The following DTD1 variants were observed in gnomAD, a reference collection of about 807,000 sequenced individuals.
DTD1 encodes the protein D-tyrosyl-tRNA deacylase 1 homolog.
A neutral mutation model predicts 25.6 loss-of-function variants in DTD1; 13 were observed. The ratio of observed to expected loss-of-function variants is 0.51; its 90% CI spans 0.33 to 0.81. DTD1 has a LOEUF of 0.81. Among genes scored for constraint, DTD1 ranks in the 30% least tolerant of loss-of-function variants. The pLI is 0.02. For missense variants in DTD1, 193 were observed against 266.4 expected (o/e 0.72, Z 1.92); for synonymous variants, 110 against 103.6 (o/e 1.06, Z -0.37).
At chr20:18,722,736 C>T (rs182802596) in intron 4 of DTD1, among the ~76,000 whole-genome samples, 34 of 152,240 alleles carry the variant, frequency 2.2e-4, no homozygotes, top group African/African-American at 7.9e-4. Context: ...CCTGCTGGGA[C>T]TGCAAAACAT....
intron 5 of DTD1, among the ~76,000 whole-genome samples, chr20:18,760,616 C>T (rs1309361971): frequency 1.3e-5 from 2 of 152,096 alleles, no homozygotes; most frequent in Non-Finnish European, 2.9e-5. Context: ...AGAGGAGTAC[C>T]CGGCCGTGTG....
intron 4 of DTD1, among the ~76,000 whole-genome samples, chr20:18,737,671 T>C (rs2061261592): frequency 6.6e-6 from 1 of 152,214 alleles, no homozygotes; most frequent in African/African-American, 2.4e-5. Context: ...AACACTAGGC[T>C]TGTGTCACTT....
chr20:18,621,882 G>C (rs985208215), intron 3 of DTD1, among the ~76,000 whole-genome samples: 2 of 152,112 alleles, frequency 1.3e-5, no homozygotes, highest in Non-Finnish European at 2.9e-5. Flanking sequence ...GGCTAACACG[G>C]TGAAACCCTG....
In DTD1 at chr20:18,708,244, AATATATATT is replaced by A. The variant is rs1460341148; in HGVS notation, c.478-35847_478-35839del. 3.1e-4 allele frequency among the ~76,000 whole-genome samples: 13 copies of A among 41,400 alleles called. 1 individual carries two copies. Among genetic ancestry groups the A allele is most frequent in the African/African-American group, 1.4e-3 (11 of 7,808 alleles). The allele number at this position is 41,400 out of a possible 152,430, so 27.2% of individuals were successfully genotyped here. ...ATATATATATATTTTATATATATATAATATATATTATATATATATTTTATATATATATAA... is the reference window on the plus strand; with the variant it reads ...ATATATATATATTTTATATATATATAATATATATATTTTATATATATATAA... On this transcript the variant is annotated intron_variant, in intron 4 of 5. Coordinates refer to ENST00000377452, the MANE Select transcript of DTD1 (RefSeq NM_080820.6).
At chr20:18,721,703 G>GT (rs1297444793) in intron 4 of DTD1, among the ~76,000 whole-genome samples, 1 of 152,000 alleles carries the variant, frequency 6.6e-6, no homozygotes, top group Non-Finnish European at 1.5e-5. Context: ...CTTGTGGGAA[G>GT]TTTTTTTTCC....
chr20:18,753,574 C>T (rs2061328576), intron 5 of DTD1, among the ~76,000 whole-genome samples: 1 of 111,438 alleles, frequency 9.0e-6, no homozygotes, highest in Non-Finnish European at 1.7e-5. Context: ...CGCCACTGCA[C>T]TCCAGCCTGG....
intron 4 of DTD1, among the ~76,000 whole-genome samples, chr20:18,699,077 G>A (rs1262823452): frequency 6.6e-6 from 1 of 152,168 alleles, no homozygotes; most frequent in Non-Finnish European, 1.5e-5. Flanking sequence ...GTGGATTTGT[G>A]GCATTTTCAC....
At chr20:18,759,188 C>A (rs2061351283) in intron 5 of DTD1, among the ~76,000 whole-genome samples, 3 of 152,254 alleles carry the variant, frequency 2.0e-5, no homozygotes, top group Admixed American at 2.0e-4. Flanking sequence ...GACTCTTTAT[C>A]CGATTTGCCA....
At chr20:18,755,187 GCTCA>G (rs1260195410) in intron 5 of DTD1, among the ~76,000 whole-genome samples, 5 of 152,084 alleles carry the variant, frequency 3.3e-5, no homozygotes, top group Non-Finnish European at 7.4e-5. Context: ...CAAAGTTAAT[GCTCA>G]CTCATAGAAA....
intron 4 of DTD1, among the ~76,000 whole-genome samples, chr20:18,644,229 A>G (rs911855882): frequency 3.9e-4 from 15 of 38,018 alleles, no homozygotes; most frequent in Non-Finnish European, 1.5e-3. Context: ...AGTATTTCAA[A>G]CATACTAGAT....
intron 4 of DTD1, among the ~76,000 whole-genome samples, chr20:18,716,138 A>G (rs34478401): frequency 0.32 from 48,739 of 152,084 alleles, 8,492 homozygotes; most frequent in South Asian, 0.46. Context: ...TTTTAGAGCC[A>G]TGTGTGTTTT....
chr20:18,724,822 G>C (rs2061217507), intron 4 of DTD1, among the ~76,000 whole-genome samples: 1 of 152,204 alleles, frequency 6.6e-6, no homozygotes, highest in African/African-American at 2.4e-5. Context: ...TTCTGTGTAA[G>C]ATTTCCAAGA....
chr20:18,610,399 GAA>G (rs2060681697), intron 3 of DTD1, among the ~76,000 whole-genome samples: 2 of 152,092 alleles, frequency 1.3e-5, no homozygotes, highest in Non-Finnish European at 2.9e-5. Context: ...CATACTTCTT[GAA>G]ATAATGTATA....
chr20:18,661,869 A>G (rs1568661738), intron 4 of DTD1, among the ~76,000 whole-genome samples: 1 of 152,210 alleles, frequency 6.6e-6, no homozygotes, highest in Non-Finnish European at 1.5e-5. Context: ...ATTTGAAAAG[A>G]GACCAGGCAC....
chr20:18,726,744 T>C (rs2061223698), intron 4 of DTD1, among the ~76,000 whole-genome samples: 1 of 152,182 alleles, frequency 6.6e-6, no homozygotes, highest in Admixed American at 6.5e-5. Flanking sequence ...GCCCCCTTTC[T>C]TGGGGGACAG....
intron 3 of DTD1, among the ~76,000 whole-genome samples, chr20:18,624,941 A>G (rs1213308561): frequency 2.0e-5 from 3 of 152,130 alleles, no homozygotes; most frequent in African/African-American, 7.2e-5. Context: ...GACACTCTTT[A>G]GTTTGGAATT....
intron 4 of DTD1, among the ~76,000 whole-genome samples, chr20:18,676,675 T>C (rs1329825991): frequency 1.3e-5 from 2 of 152,228 alleles, no homozygotes; most frequent in African/African-American, 4.8e-5. Context: ...ACAACTGATT[T>C]ATCTTCAGAG....
chr20:18,765,319 A>G lies in DTD1; in HGVS notation c.*1979A>G, dbSNP rs1284352213. On this transcript the variant is annotated 3_prime_UTR_variant, in exon 6 of 6. Coordinates refer to ENST00000377452, the MANE Select transcript of DTD1 (RefSeq NM_080820.6). ...ACGTAGATTCTGGCATTCTAACAACATGATTCAAAAGTGGAAGGTGATGTT... is the reference window on the plus strand; with the variant it reads ...ACGTAGATTCTGGCATTCTAACAACGTGATTCAAAAGTGGAAGGTGATGTT... The G allele has an allele frequency of 6.6e-6, 1 of 152,266 alleles. No homozygotes were observed. The highest frequency in any genetic ancestry group is 1.5e-5 in the Non-Finnish European group (1 of 68,054). The allele number at this position is 152,266 out of a possible 1,614,324, so 9.4% of individuals were successfully genotyped here.
intron 4 of DTD1, among the ~76,000 whole-genome samples, chr20:18,736,899 G>T (rs2061257669): frequency 6.6e-6 from 1 of 152,048 alleles, no homozygotes; most frequent in Non-Finnish European, 1.5e-5. Flanking sequence ...CATTTCTTCA[G>T]TCATTCATCT....
Sources: allele counts gnomAD v4.1 joint callset (sites outside exome capture counted in the v4.1 genomes callset), GRCh38; gene constraint gnomAD v4.1.1; transcripts MANE v1.5; gene names NCBI Gene and HGNC (gene_info 2026-07-23, HGNC 2026-07-21).